SPATS2L: variants seen among roughly 807,000 people sequenced by gnomAD.
SPATS2L encodes the protein SPATS2-like protein.
A neutral mutation model predicts 59.6 loss-of-function variants in SPATS2L; 30 were observed. The ratio of observed to expected loss-of-function variants is 0.50; its 90% CI spans 0.38 to 0.68. SPATS2L has a LOEUF of 0.68. Among genes scored for constraint, SPATS2L ranks in the 30% least tolerant of loss-of-function variants. The pLI is 0.00. For missense variants in SPATS2L, 615 were observed against 700.0 expected (o/e 0.88, Z 1.37); for synonymous variants, 252 against 263.5 (o/e 0.96, Z 0.42).
intron 1 of SPATS2L, among the ~76,000 whole-genome samples, chr2:200,312,443 G>A (rs115802661): frequency 1.3e-3 from 205 of 152,338 alleles, no homozygotes; most frequent in Middle Eastern, 3.4e-3. Flanking sequence ...CAATGGGAAT[G>A]TTTGAGGAAT....
chr2:200,394,078 A>G (rs1427864664), intron 3 of SPATS2L, among the ~76,000 whole-genome samples: 1 of 152,234 alleles, frequency 6.6e-6, no homozygotes. Flanking sequence ...CTTAAAATTG[A>G]CAATCATTTT....
intron 8 of SPATS2L, among the ~76,000 whole-genome samples, chr2:200,448,322 A>T (rs191087321): frequency 6.6e-6 from 1 of 152,012 alleles, no homozygotes; most frequent in Non-Finnish European, 1.5e-5. Context: ...CATGCCTGCA[A>T]TCCCAGCTAC....
At chr2:200,343,767 G>A (rs2080412620) in intron 2 of SPATS2L, among the ~76,000 whole-genome samples, 1 of 152,108 alleles carries the variant, frequency 6.6e-6, no homozygotes, top group South Asian at 2.1e-4. Context: ...AGTAGATGCT[G>A]TTGTAGATAA....
chr2:200,435,210 G>C (rs953214383), intron 6 of SPATS2L, among the ~76,000 whole-genome samples: 8 of 152,112 alleles, frequency 5.3e-5, no homozygotes, highest in Non-Finnish European at 1.2e-4. Context: ...CCTTGAATCA[G>C]AAACCAACGT....
At chr2:200,383,856 C>G in intron 2 of SPATS2L, 2 of 997,324 alleles carry the variant, frequency 2.0e-6, no homozygotes, top group South Asian at 9.4e-5. Context: ...CCTATGGTTT[C>G]TTAAATCCAG....
chr2:200,322,348 A>G (rs770041889), intron 1 of SPATS2L, among the ~76,000 whole-genome samples: 7 of 152,230 alleles, frequency 4.6e-5, no homozygotes, highest in Non-Finnish European at 8.8e-5. Context: ...TTAGGAATTA[A>G]GCAATAACAA....
intron 2 of SPATS2L, among the ~76,000 whole-genome samples, chr2:200,382,541 G>A (rs1251211543): frequency 2.0e-5 from 3 of 152,182 alleles, no homozygotes; most frequent in Non-Finnish European, 1.5e-5. Flanking sequence ...CCCTGGTGGA[G>A]TTCTTACTGC....
intron 10 of SPATS2L, chr2:200,469,711 T>C (rs2086881460): frequency 5.8e-6 from 3 of 513,180 alleles, no homozygotes; most frequent in Non-Finnish European, 1.0e-5. Context: ...GCCCCTCACA[T>C]ATTCCCCAGG....
intron 3 of SPATS2L, among the ~76,000 whole-genome samples, chr2:200,404,164 G>T (rs1251913745): frequency 6.6e-6 from 1 of 152,098 alleles, no homozygotes; most frequent in African/African-American, 2.4e-5. Context: ...CCCTCTATCA[G>T]TGAACACGCT....
intron 6 of SPATS2L, among the ~76,000 whole-genome samples, chr2:200,424,735 C>T (rs1396029358): frequency 6.6e-6 from 1 of 152,146 alleles, no homozygotes; most frequent in Non-Finnish European, 1.5e-5. Context: ...GACACAATTC[C>T]CATTGAATAG....
chr2:200,307,029 C>G (rs911530490), intron 1 of SPATS2L, 107 bp downstream of exon 1: 103 of 928,048 alleles, frequency 1.1e-4, no homozygotes, highest in Non-Finnish European at 1.3e-4. Context: ...GCCGAGCATT[C>G]CGCAGCCCGG....
At chr2:200,404,315 G>T (rs368922314) in intron 3 of SPATS2L, among the ~76,000 whole-genome samples, 24 of 152,332 alleles carry the variant, frequency 1.6e-4, no homozygotes, top group African/African-American at 5.5e-4. Flanking sequence ...GTTAATGAAA[G>T]AAAGAATAGG....
rs528279292 is a variant in SPATS2L at position 200,479,115 on chromosome 2, C to G, written c.*1084C>G. The G allele has an allele frequency of 6.5e-6, 1 of 153,874 alleles. No individual in the cohort carries two copies. Among genetic ancestry groups the G allele is most frequent in the Non-Finnish European group, 1.4e-5 (1 of 69,134 alleles). 9.5% of individuals were successfully genotyped at this position (153,874 alleles called of 1,614,324 possible). On this transcript the variant is annotated 3_prime_UTR_variant, in exon 13 of 13. Coordinates refer to ENST00000409140, the MANE Select transcript of SPATS2L (RefSeq NM_001100423.2). ...ACAGGATTTCACCATGTTGTCCAGGCTGGTCTCAAACCCCTGACCTCAGGT... is the reference window on the plus strand; with the variant it reads ...ACAGGATTTCACCATGTTGTCCAGGGTGGTCTCAAACCCCTGACCTCAGGT...
intron 2 of SPATS2L, among the ~76,000 whole-genome samples, chr2:200,338,730 CAT>C (rs2080224506): frequency 6.6e-6 from 1 of 152,188 alleles, no homozygotes; most frequent in Admixed American, 6.5e-5. Flanking sequence ...GTTTTTAACA[CAT>C]CAGTTGGTTA....
At chr2:200,412,810 G>A (rs1253443135) in intron 4 of SPATS2L, among the ~76,000 whole-genome samples, 4 of 152,100 alleles carry the variant, frequency 2.6e-5, no homozygotes, top group Non-Finnish European at 4.4e-5. Flanking sequence ...CCAGCACTTC[G>A]GAAGGCGAAG....
intron 1 of SPATS2L, among the ~76,000 whole-genome samples, chr2:200,320,259 G>T (rs781702150): frequency 6.6e-6 from 1 of 152,178 alleles, no homozygotes; most frequent in Non-Finnish European, 1.5e-5. Context: ...TAAGATTCAT[G>T]AGAGTAATTT....
chr2:200,467,454 A>C, intron 10 of SPATS2L, 55 bp downstream of exon 10: 1 of 1,289,006 alleles, frequency 7.8e-7, no homozygotes, highest in Admixed American at 1.7e-5. Context: ...GATCCCAATT[A>C]TGTTTGTTTT....
In SPATS2L at chr2:200,416,399, A is replaced by G; in HGVS notation, c.169A>G (p.Lys57Glu). The change falls in exon 5 of 13, where the codon AAA (lysine) becomes GAA (glutamate). Residue 57 changes from lysine (K) to glutamate (E), a missense_variant. Transcript: ENST00000409140. ...FVDGSAIQVL[K>E]EWNMTGKKKN... Reference sequence around the variant, plus strand: ...TCTAGGCAGTGCAATTCAAGTTCTAAAAGAATGGAATATGACAGGAAAAAA... The same window carrying G: ...TCTAGGCAGTGCAATTCAAGTTCTAGAAGAATGGAATATGACAGGAAAAAA... 2 of 1,497,086 alleles carry G rather than the reference A, an allele frequency of 1.3e-6. No homozygotes were observed. Among genetic ancestry groups the G allele is most frequent in the Non-Finnish European group, 1.8e-6 (2 of 1,109,016 alleles). The allele number at this position is 1,497,086 out of a possible 1,614,324, so 92.7% of individuals were successfully genotyped here. A position where few individuals can be genotyped will look rare whatever the true frequency, so the allele number is the denominator to read the frequency against.
chr2:200,474,535 T>C (rs1208410332), intron 12 of SPATS2L, among the ~76,000 whole-genome samples: 1 of 152,102 alleles, frequency 6.6e-6, no homozygotes, highest in Non-Finnish European at 1.5e-5. Context: ...ATTCCTGGGC[T>C]CAAGCGATCC....
Sources: allele counts gnomAD v4.1 joint callset (sites outside exome capture counted in the v4.1 genomes callset), GRCh38; gene constraint gnomAD v4.1.1; transcripts MANE v1.5; gene names NCBI Gene and HGNC (gene_info 2026-07-23, HGNC 2026-07-21).